The following ZC3HAV1 variants were observed in gnomAD, a reference collection of about 807,000 sequenced individuals.
The protein encoded by ZC3HAV1 is zinc finger CCCH-type antiviral protein 1.
Under a neutral mutation model 86.6 loss-of-function variants are expected in ZC3HAV1, and 41 were observed. The ratio of observed to expected loss-of-function variants is 0.47; its 90% CI spans 0.37 to 0.61. The LOEUF (loss-of-function observed/expected upper bound fraction) is 0.61. Ranked by LOEUF, ZC3HAV1 falls within the 20% of genes least tolerant of loss-of-function variation. ZC3HAV1 has a pLI of 0.00. For synonymous variants in ZC3HAV1, 421 were observed against 432.1 expected (o/e 0.97, Z 0.32); for missense variants, 964 against 1,141.1 (o/e 0.84, Z 2.24).
chr7:139,101,489 G>A (rs1356052404), intron 1 of ZC3HAV1, among the ~76,000 whole-genome samples: 1 of 108,106 alleles, frequency 9.3e-6, no homozygotes, highest in African/African-American at 3.7e-5. Context: ...CCTCAGCCCG[G>A]CCACCACCCC....
intron 1 of ZC3HAV1, among the ~76,000 whole-genome samples, chr7:139,097,435 T>A (rs1480998425): frequency 3.3e-5 from 4 of 121,014 alleles, no homozygotes; most frequent in African/African-American, 7.0e-5. Flanking sequence ...TATATTTTTT[T>A]TTTTTTTTTT....
intron 2 of ZC3HAV1, among the ~76,000 whole-genome samples, chr7:139,085,856 T>C (rs919227785): frequency 8.6e-5 from 13 of 151,382 alleles, no homozygotes; most frequent in Non-Finnish European, 1.5e-4. Context: ...CTACGAAAAA[T>C]ACAAAAAATT....
intron 2 of ZC3HAV1, among the ~76,000 whole-genome samples, chr7:139,087,498 G>A (rs958418896): frequency 1.3e-5 from 2 of 151,562 alleles, no homozygotes; most frequent in African/African-American, 4.9e-5. Flanking sequence ...ACAAACCCAA[G>A]TATCTAGATA....
chr7:139,081,548 G>A (rs528453803), intron 3 of ZC3HAV1, among the ~76,000 whole-genome samples: 20 of 152,172 alleles, frequency 1.3e-4, no homozygotes, highest in Non-Finnish European at 2.6e-4. Flanking sequence ...CATTAGATAT[G>A]GGATCAGAAC....
In ZC3HAV1 at chr7:139,044,002, G is replaced by A. The variant is rs780187850; in HGVS notation, c.*3592C>T. The A allele has an allele frequency of 6.6e-6, 1 of 152,178 alleles. No individual in the cohort carries two copies. Among genetic ancestry groups the A allele is most frequent in the African/African-American group, 2.4e-5 (1 of 41,418 alleles). The allele number at this position is 152,178 out of a possible 1,614,324, so 9.4% of individuals were successfully genotyped here. ...CCAGCACTGAGTGGATGCAGCCAGG[G>A]AGAACGATGTCCTGCAGTGTGTGGG... On this transcript the variant is annotated 3_prime_UTR_variant, in exon 13 of 13. Transcript: ENST00000242351.
chr7:139,063,659 G>A (rs1816511201), intron 8 of ZC3HAV1, among the ~76,000 whole-genome samples: 1 of 150,964 alleles, frequency 6.6e-6, no homozygotes. Flanking sequence ...GGGAGGTTGA[G>A]GCTGCAGTGA....
chr7:139,074,514 A>G (rs1224193630), intron 6 of ZC3HAV1, among the ~76,000 whole-genome samples: 1 of 152,160 alleles, frequency 6.6e-6, no homozygotes, highest in Non-Finnish European at 1.5e-5. Context: ...GCTACACAAT[A>G]TATGATTTCA....
intron 8 of ZC3HAV1, among the ~76,000 whole-genome samples, chr7:139,062,359 C>G (rs952759948): frequency 7.9e-5 from 12 of 152,186 alleles, no homozygotes; most frequent in African/African-American, 2.7e-4. Flanking sequence ...GACCATCTAC[C>G]TGTTCTGTGA....
chr7:139,047,961 A>G (rs1816009790), intron 12 of ZC3HAV1, 108 bp from the exon 13 acceptor site: 2 of 1,122,164 alleles, frequency 1.8e-6, no homozygotes, highest in Non-Finnish European at 2.5e-6. Context: ...ATATGTCAAT[A>G]ATACCTTACT....
chr7:139,094,281 T>C (rs1173970176), intron 1 of ZC3HAV1, among the ~76,000 whole-genome samples: 1 of 152,046 alleles, frequency 6.6e-6, no homozygotes, highest in Non-Finnish European at 1.5e-5. Flanking sequence ...ACTTGGAGTA[T>C]AGGCAGCTCA....
rs1817988574 is a variant in ZC3HAV1, at chr7:139,108,098, G to A, written c.308+926C>T. 6.6e-6 allele frequency among the ~76,000 whole-genome samples: 1 copy of A among 152,118 alleles called. No homozygotes were observed. The highest frequency in any genetic ancestry group is 2.1e-4 in the South Asian group (1 of 4,830). ...TGACTCCATGGACAGGACACACGCG[G>A]GAGAGGAAGGGCTTGGGATCAAGGG... On this transcript the variant is annotated intron_variant, in intron 1 of 12. Coordinates refer to ENST00000242351, the MANE Select transcript of ZC3HAV1 (RefSeq NM_020119.4). The surrounding 1 kb of genome is among the most constrained non-coding windows in gnomAD (Gnocchi z 4.2).
chr7:139,076,321 C>T lies in ZC3HAV1; in HGVS notation c.1662G>A (p.Thr554=), dbSNP rs145390445. The T allele has an allele frequency of 1.7e-5, 28 of 1,614,030 alleles. No homozygotes were observed. Among genetic ancestry groups the T allele is most frequent in the African/African-American group, 8.0e-5 (6 of 74,906 alleles). ...KTWTDFEHME[T]IEKGYCNPGI... ...CGGGGTTACAGTAGCCTTTCTCGAT[C>T]GTCTCCATGTGCTCAAAGTCCGTCC... The change falls in exon 6 of 13, where the codon ACG becomes ACA. Residue 554 remains threonine (T), a synonymous_variant. Transcript: ENST00000242351.
At chr7:139,105,029 T>C (rs1817891028) in intron 1 of ZC3HAV1, among the ~76,000 whole-genome samples, 1 of 108,586 alleles carries the variant, frequency 9.2e-6, no homozygotes, top group Non-Finnish European at 1.8e-5. Flanking sequence ...TGAGACTCTG[T>C]CTCAAAAAAA....
intron 10 of ZC3HAV1, 67 bp downstream of exon 10, chr7:139,055,138 C>T (rs1457582440): frequency 5.0e-6 from 7 of 1,401,998 alleles, no homozygotes; most frequent in South Asian, 2.4e-5. Context: ...CAAACACATA[C>T]ACTTGTAGCA....
At chr7:139,063,048 A>AAG (rs1816494560) in intron 8 of ZC3HAV1, among the ~76,000 whole-genome samples, 2 of 148,446 alleles carry the variant, frequency 1.3e-5, no homozygotes, top group East Asian at 1.9e-4. Flanking sequence ...AAAAAAAAAA[A>AAG]AAAGAAAGAA....
chr7:139,060,213 C>G (rs914396871), intron 9 of ZC3HAV1: 1 of 982,896 alleles, frequency 1.0e-6, no homozygotes, highest in Admixed American at 6.2e-5. Flanking sequence ...CTTCCTTTTT[C>G]ATCAAATAGC....
rs769102632 is a variant in ZC3HAV1, at chr7:139,064,911, G to A, written c.1961C>T (p.Ala654Val). 1.9e-5 allele frequency: 31 copies of A among 1,614,006 alleles called. No individual in the cohort carries two copies. Among genetic ancestry groups the A allele is most frequent in the African/African-American group, 1.1e-4 (8 of 74,908 alleles). The change falls in exon 8 of 13, where the codon GCG (alanine) becomes GTG (valine). Residue 654 changes from alanine (A) to valine (V), a missense_variant. Coordinates refer to ENST00000242351, the MANE Select transcript of ZC3HAV1 (RefSeq NM_020119.4). ...SCPRGVVPFQ[A>V]GSRNYELSFQ... ...ACTCAGCTCATAGTTCCGTGAGCCCGCCTGAAATGGCACAACTCCCCTCGG... is the reference window on the plus strand; with the variant it reads ...ACTCAGCTCATAGTTCCGTGAGCCCACCTGAAATGGCACAACTCCCCTCGG...
chr7:139,079,318 C>T, intron 4 of ZC3HAV1, 152 bp downstream of exon 4: 1 of 1,545,512 alleles, frequency 6.5e-7, no homozygotes, highest in Non-Finnish European at 8.7e-7. Context: ...CAGTACGTAA[C>T]ATATCTTTTT....
chr7:139,101,360 G>A (rs1453615807), intron 1 of ZC3HAV1, among the ~76,000 whole-genome samples: 1 of 144,820 alleles, frequency 6.9e-6, no homozygotes, highest in African/African-American at 2.6e-5. Flanking sequence ...GAAGTGAGGA[G>A]CGCCTCTTCC....
Sources: gnomAD v4.1 joint callset for allele counts (sites outside exome capture counted in the v4.1 genomes callset) on GRCh38, gnomAD v4.1.1 for gene constraint, Gnocchi (gnomAD v3.1) non-coding constraint, MANE v1.5 for transcripts, NCBI Gene and HGNC (gene_info 2026-07-23, HGNC 2026-07-21) for gene names.